Variants in RBMS3 observed in about 807,000 individuals in gnomAD.
RBMS3 encodes RNA-binding motif, single-stranded-interacting protein 3.
In RBMS3, 27 loss-of-function variants were observed where a neutral mutation model predicts 66.8. The ratio of observed to expected loss-of-function variants is 0.40; its 90% CI spans 0.30 to 0.56. The LOEUF is 0.56. Among genes scored for constraint, RBMS3 ranks in the 20% least tolerant of loss-of-function variants. The pLI is 0.40. For synonymous variants in RBMS3, 188 were observed against 183.0 expected, an observed-to-expected ratio of 1.03 and a Z score of -0.22; for missense variants, 513 against 549.5, an observed-to-expected ratio of 0.93 and a Z score of 0.66.
At chr3:29,917,757 G>A (rs549186311) in intron 10 of RBMS3, among the ~76,000 whole-genome samples, 9 of 152,130 alleles carry the variant, frequency 5.9e-5, no homozygotes, top group African/African-American at 2.2e-4. Context: ...GCATCTTGGG[G>A]TAAATGAAGT....
chr3:29,674,440 GT>G (rs2051145705), intron 4 of RBMS3, among the ~76,000 whole-genome samples: 1 of 151,998 alleles, frequency 6.6e-6, no homozygotes, highest in African/African-American at 2.4e-5. Flanking sequence ...AGGGTATTCA[GT>G]TAGCGAAAGA....
At chr3:29,782,888 A>G (rs1233984181) in intron 6 of RBMS3, among the ~76,000 whole-genome samples, 2 of 152,166 alleles carry the variant, frequency 1.3e-5, no homozygotes, top group African/African-American at 4.8e-5. Context: ...TGCAAAATGC[A>G]CTAGAAAGTC....
chr3:29,579,570 T>A (rs1352182468), intron 3 of RBMS3, among the ~76,000 whole-genome samples: 1 of 152,214 alleles, frequency 6.6e-6, no homozygotes, highest in African/African-American at 2.4e-5. Context: ...TAGCCCACTT[T>A]TGTCATAATT....
At chr3:29,403,458 G>A (rs2039892602) in intron 1 of RBMS3, among the ~76,000 whole-genome samples, 1 of 152,036 alleles carries the variant, frequency 6.6e-6, no homozygotes, top group East Asian at 1.9e-4. Flanking sequence ...CACTTGCATA[G>A]CTAACTTTGC....
At chr3:29,513,294 C>T (rs2044486532) in intron 3 of RBMS3, among the ~76,000 whole-genome samples, 3 of 152,022 alleles carry the variant, frequency 2.0e-5, no homozygotes, top group South Asian at 2.1e-4. Flanking sequence ...GAACAGATTT[C>T]GTTATTTTTC....
chr3:29,897,266 T>C, intron 8 of RBMS3, 113 bp from the exon 9 acceptor site: 1 of 876,422 alleles, frequency 1.1e-6, no homozygotes, highest in South Asian at 1.5e-5. Flanking sequence ...TAATGGTTGG[T>C]GGAAAAACGT....
At chr3:29,725,754 A>T (rs1026652184) in intron 4 of RBMS3, among the ~76,000 whole-genome samples, 1 of 152,186 alleles carries the variant, frequency 6.6e-6, no homozygotes, top group Non-Finnish European at 1.5e-5. Context: ...GACCAGATGG[A>T]TTCAGAGCCG....
intron 1 of RBMS3, among the ~76,000 whole-genome samples, chr3:29,385,582 C>A (rs1019446085): frequency 1.5e-4 from 23 of 152,154 alleles, no homozygotes; most frequent in Non-Finnish European, 2.6e-4. Context: ...TGCAACCCCC[C>A]TCTATGAGTC....
At chr3:29,340,526 T>C (rs754349670) in intron 1 of RBMS3, among the ~76,000 whole-genome samples, 1 of 152,188 alleles carries the variant, frequency 6.6e-6, no homozygotes, top group Admixed American at 6.6e-5. Flanking sequence ...CTCAAAATCA[T>C]ATGTGTTCAT....
At chr3:29,539,503 G>A (rs2045684810) in intron 3 of RBMS3, among the ~76,000 whole-genome samples, 2 of 152,066 alleles carry the variant, frequency 1.3e-5, no homozygotes, top group African/African-American at 4.8e-5. Context: ...CCTCCCTCCA[G>A]CTTATTACAT....
chr3:29,513,720 T>C (rs1419135635), intron 3 of RBMS3, among the ~76,000 whole-genome samples: 1 of 152,200 alleles, frequency 6.6e-6, no homozygotes, highest in African/African-American at 2.4e-5. Flanking sequence ...GTAAAATTTG[T>C]CTTTGCGAGA....
intron 6 of RBMS3, among the ~76,000 whole-genome samples, chr3:29,818,900 A>G (rs565620309): frequency 2.3e-4 from 35 of 152,314 alleles, no homozygotes; most frequent in African/African-American, 7.9e-4. Flanking sequence ...TCTCAAAAGC[A>G]TGAATGCTAA....
intron 2 of RBMS3, among the ~76,000 whole-genome samples, chr3:29,437,200 C>T (rs1417565093): frequency 6.6e-6 from 1 of 152,182 alleles, no homozygotes; most frequent in Non-Finnish European, 1.5e-5. Flanking sequence ...GTATTTATAA[C>T]ACAGGAATCA....
chr3:29,762,712 A>G (rs2055746576), intron 5 of RBMS3, among the ~76,000 whole-genome samples, 198 bp from the exon 6 acceptor site: 1 of 152,128 alleles, frequency 6.6e-6, no homozygotes, highest in Non-Finnish European at 1.5e-5. Flanking sequence ...CCTTTCAAAG[A>G]GTGAATAATA....
chr3:29,603,505 G>C (rs1303535374), intron 4 of RBMS3, among the ~76,000 whole-genome samples: 1 of 151,938 alleles, frequency 6.6e-6, no homozygotes, highest in Non-Finnish European at 1.5e-5. Context: ...AGACATTTGT[G>C]GTTCTCTTGA....
intron 4 of RBMS3, among the ~76,000 whole-genome samples, chr3:29,722,589 C>G (rs2053687929): frequency 6.6e-6 from 1 of 152,044 alleles, no homozygotes; most frequent in South Asian, 2.1e-4. Flanking sequence ...AGGATTCAAT[C>G]TAGGATCAAA....
chr3:29,412,023 T>A (rs1256676953), intron 1 of RBMS3, among the ~76,000 whole-genome samples: 1 of 152,252 alleles, frequency 6.6e-6, no homozygotes, highest in Non-Finnish European at 1.5e-5. Context: ...GATAGTCAAA[T>A]ATTTTTAAAA....
intron 1 of RBMS3, among the ~76,000 whole-genome samples, chr3:29,415,157 T>C (rs188777971): frequency 9.8e-5 from 15 of 152,314 alleles, no homozygotes; most frequent in Admixed American, 9.2e-4. Flanking sequence ...ATTGAGATGA[T>C]ATTACTCAAC....
At chr3:29,737,122 G>A (rs1479158645) in intron 4 of RBMS3, among the ~76,000 whole-genome samples, 2 of 151,932 alleles carry the variant, frequency 1.3e-5, no homozygotes, top group East Asian at 1.9e-4. Flanking sequence ...GACTACAGGC[G>A]CCCGCCACCA....
Sources: allele counts gnomAD v4.1 joint callset (sites outside exome capture counted in the v4.1 genomes callset), GRCh38; gene constraint gnomAD v4.1.1; transcripts MANE v1.5; gene names NCBI Gene and HGNC (gene_info 2026-07-23, HGNC 2026-07-21).